AAMDC: variants seen among roughly 807,000 people sequenced by gnomAD.
AAMDC encodes the protein mth938 domain-containing protein.
In AAMDC, 16 loss-of-function variants were observed where a neutral mutation model predicts 15.5. The ratio of observed to expected loss-of-function variants is 1.03; its 90% CI spans 0.70 to 1.57. The LOEUF (loss-of-function observed/expected upper bound fraction) is 1.57. Ranked by LOEUF, AAMDC falls within the 40% of genes most tolerant of loss-of-function variation. The pLI, the probability that AAMDC is intolerant of heterozygous loss-of-function variation, is 0.00. For missense variants in AAMDC, 141 were observed against 144.9 expected (o/e 0.97, Z 0.14); for synonymous variants, 51 against 51.6 (o/e 0.99, Z 0.05).
downstream of AAMDC, chr11:77,877,091 C>A: frequency 1.4e-6 from 1 of 701,304 alleles, no homozygotes; most frequent in Non-Finnish European, 2.6e-6. Flanking sequence ...GTTAATCATT[C>A]TTCCCCTAGT....
At chr11:77,900,391 A>G (rs557227373) in intron 5 of AAMDC, among the ~76,000 whole-genome samples, 202 of 152,096 alleles carry the variant, frequency 1.3e-3, no homozygotes, top group South Asian at 3.7e-3. Context: ...GAGCCACCAC[A>G]CCCGGCCACA....
At chr11:77,895,068 T>C (rs1167469046) in intron 5 of AAMDC, among the ~76,000 whole-genome samples, 6 of 152,236 alleles carry the variant, frequency 3.9e-5, no homozygotes, top group Non-Finnish European at 7.3e-5. Context: ...ATGGTGTTCC[T>C]TCCTCTCTAT....
At chr11:77,841,298 C>T (rs1949921521) in intron 1 of AAMDC, 3 of 695,726 alleles carry the variant, frequency 4.3e-6, no homozygotes, top group Non-Finnish European at 5.3e-6. Context: ...ACATTCAAAC[C>T]ATAGCACTAA....
intron 1 of AAMDC, among the ~76,000 whole-genome samples, chr11:77,825,746 C>T (rs553123152): frequency 6.6e-6 from 1 of 150,682 alleles, no homozygotes; most frequent in Non-Finnish European, 1.5e-5. Context: ...GGCTGGAGTG[C>T]AGTGGCACGA....
chr11:77,854,281 C>T (rs935895601), intron 2 of AAMDC, among the ~76,000 whole-genome samples: 1 of 152,100 alleles, frequency 6.6e-6, no homozygotes, highest in Non-Finnish European at 1.5e-5. Context: ...CGTGAGCCAC[C>T]GTGCCCGGCT....
At chr11:77,856,460 T>A (rs1164359887) in intron 2 of AAMDC, among the ~76,000 whole-genome samples, 1 of 152,224 alleles carries the variant, frequency 6.6e-6, no homozygotes, top group Non-Finnish European at 1.5e-5. Flanking sequence ...TTTTTTAGTA[T>A]CTTTATAGCA....
At chr11:77,869,967 C>T (rs12288401) in intron 3 of AAMDC, 150 bp downstream of exon 3, 2 of 641,468 alleles carry the variant, frequency 3.1e-6, no homozygotes, top group Admixed American at 5.3e-5. Context: ...ACACATTCCT[C>T]TGCCTCATCA....
chr11:77,873,920 T>C (rs1313596251), downstream of AAMDC, among the ~76,000 whole-genome samples: 2 of 152,076 alleles, frequency 1.3e-5, no homozygotes, highest in East Asian at 3.9e-4. Context: ...GCAGCAGCAG[T>C]GGAAAGATGA....
chr11:77,892,734 C>G (rs1425673985), intron 5 of AAMDC, among the ~76,000 whole-genome samples: 1 of 152,124 alleles, frequency 6.6e-6, no homozygotes, highest in Non-Finnish European at 1.5e-5. Context: ...AGCTGCCCAC[C>G]ACCACGCCCT....
chr11:77,827,599 T>C (rs1431296168), intron 1 of AAMDC, among the ~76,000 whole-genome samples: 1 of 152,144 alleles, frequency 6.6e-6, no homozygotes, highest in African/African-American at 2.4e-5. Flanking sequence ...TTAAAAATAA[T>C]AAACTAGGAA....
At chr11:77,889,374 C>T (rs1469789390) in intron 5 of AAMDC, among the ~76,000 whole-genome samples, 2 of 141,956 alleles carry the variant, frequency 1.4e-5, no homozygotes, top group East Asian at 4.1e-4. Flanking sequence ...GGAAGGGGAA[C>T]ATCACACCCC....
At chr11:77,849,379 G>A (rs931297900) in intron 2 of AAMDC, among the ~76,000 whole-genome samples, 1 of 151,868 alleles carries the variant, frequency 6.6e-6, no homozygotes, top group African/African-American at 2.4e-5. Flanking sequence ...GTGTGACCAC[G>A]CCCGGCTAAT....
At chr11:77,835,096 T>C (rs1226855951) in intron 1 of AAMDC, among the ~76,000 whole-genome samples, 1 of 152,242 alleles carries the variant, frequency 6.6e-6, no homozygotes, top group Non-Finnish European at 1.5e-5. Flanking sequence ...GCTGGGCACA[T>C]TGCCTCTTAG....
chr11:77,874,011 CA>C (rs1160280980), downstream of AAMDC, among the ~76,000 whole-genome samples: 1 of 152,180 alleles, frequency 6.6e-6, no homozygotes, highest in African/African-American at 2.4e-5. Context: ...ATAGACTGGA[CA>C]GCAACTTAAG....
chr11:77,857,602 T>G (rs1450541159), intron 2 of AAMDC, among the ~76,000 whole-genome samples: 1 of 152,196 alleles, frequency 6.6e-6, no homozygotes, highest in African/African-American at 2.4e-5. Flanking sequence ...AATTTTACTT[T>G]AAGTTCTCGG....
intron 3 of AAMDC, among the ~76,000 whole-genome samples, chr11:77,870,700 A>C (rs1364813804): frequency 3.3e-5 from 5 of 152,180 alleles, no homozygotes; most frequent in African/African-American, 9.7e-5. Flanking sequence ...AATTCAATGC[A>C]GAAATGTAGA....
intron 5 of AAMDC, among the ~76,000 whole-genome samples, chr11:77,890,525 G>A (rs631625): frequency 0.39 from 56,254 of 144,070 alleles, 10,387 homozygotes; most frequent in African/African-American, 0.47. Flanking sequence ...CCTGCATGTG[G>A]TAGAGGTGCT....
chr11:77,892,230 A>G (rs1359544545), intron 5 of AAMDC, among the ~76,000 whole-genome samples: 3 of 152,232 alleles, frequency 2.0e-5, no homozygotes, highest in African/African-American at 4.8e-5. Flanking sequence ...CGGAAGAGAA[A>G]AAAACGATTG....
At chr11:77,875,433 C>A (rs899184240), downstream of AAMDC, among the ~76,000 whole-genome samples, 1 of 152,114 alleles carries the variant, frequency 6.6e-6, no homozygotes, top group African/African-American at 2.4e-5. Context: ...TTTTAACTTT[C>A]ATGAAAATGA....
Sources: gnomAD v4.1 joint callset for allele counts (sites outside exome capture counted in the v4.1 genomes callset) on GRCh38, gnomAD v4.1.1 for gene constraint, MANE v1.5 for transcripts, NCBI Gene and HGNC (gene_info 2026-07-23, HGNC 2026-07-21) for gene names.